Variants in SLC39A11 observed in about 807,000 individuals in gnomAD.
The protein encoded by SLC39A11 is zinc transporter ZIP11.
A neutral mutation model predicts 36.1 loss-of-function variants in SLC39A11; 33 were observed. The observed-to-expected ratio is 0.91, with a 90% CI of 0.69 to 1.22. The LOEUF (loss-of-function observed/expected upper bound fraction) is 1.22, where lower values mean the gene tolerates loss of function less well. SLC39A11 is among the 50% of genes most tolerant of loss of function. SLC39A11 has a pLI of 0.00. For synonymous variants in SLC39A11, 166 were observed against 170.3 expected, an observed-to-expected ratio of 0.97 and a Z score of 0.20; for missense variants, 432 against 430.3, an observed-to-expected ratio of 1.00 and a Z score of -0.03.
chr17:72,767,008 A>G (rs2144638354), intron 6 of SLC39A11, among the ~76,000 whole-genome samples: 1 of 152,002 alleles, frequency 6.6e-6, no homozygotes, highest in East Asian at 1.9e-4. Flanking sequence ...CTTCTCCCCC[A>G]ACTTCTCCCC....
rs571487872 is a variant in SLC39A11 at position 72,822,941 on chromosome 17, G to A, written c.601+26693C>T. Among the ~76,000 whole-genome samples, 14 of 149,346 alleles carry A rather than the reference G, an allele frequency of 9.4e-5. 1 individual carries two copies. In the East Asian group the frequency reaches 2.7e-3, roughly 29 times the overall value. ...TGTTTTTGTAGAGGTGAGGTCAGTT[G>A]CCCTGGCTGGTCTCAAACTCCTGAG... is the stretch of plus-strand genomic sequence containing the variant. On this transcript the variant is annotated intron_variant, in intron 6 of 9. Coordinates refer to ENST00000255559, the MANE Select transcript of SLC39A11 (RefSeq NM_139177.4).
At chr17:72,742,307 A>T (rs1232997796) in intron 6 of SLC39A11, among the ~76,000 whole-genome samples, 2 of 152,126 alleles carry the variant, frequency 1.3e-5, no homozygotes, top group African/African-American at 4.8e-5. Context: ...CCTTTCCGTT[A>T]GGGAGGAGGC....
At chr17:73,075,641 T>C (rs1272491730) in intron 3 of SLC39A11, among the ~76,000 whole-genome samples, 1 of 151,956 alleles carries the variant, frequency 6.6e-6, no homozygotes, top group Non-Finnish European at 1.5e-5. Flanking sequence ...TCACCTGAGG[T>C]AAGGAGTTTG....
Position 72,900,208 on chromosome 17 carries a change from A to AGAAG in SLC39A11, c.430+47543_430+47544insCTTC, listed in dbSNP as rs1567913113. ...AAGAAAGAAAGAAAGAAAGAAAGAA[A>AGAAG]GAAAGAAAGAAAGAAAGAAAGAAAA... On this transcript the variant is annotated intron_variant, in intron 5 of 9. Coordinates refer to ENST00000255559, the MANE Select transcript of SLC39A11 (RefSeq NM_139177.4). Among the ~76,000 whole-genome samples, 155 of 136,896 alleles carry AGAAG rather than the reference A, an allele frequency of 1.1e-3. 13 individuals carry two copies. Among genetic ancestry groups the AGAAG allele is most frequent in the African/African-American group, 4.7e-3 (150 of 31,988 alleles). The allele number at this position is 136,896 out of a possible 152,430, so 89.8% of individuals were successfully genotyped here. A position where few individuals can be genotyped will look rare whatever the true frequency, so the allele number is the denominator to read the frequency against.
At chr17:72,722,163 T>C (rs779676224) in intron 7 of SLC39A11, among the ~76,000 whole-genome samples, 1 of 152,112 alleles carries the variant, frequency 6.6e-6, no homozygotes, top group Non-Finnish European at 1.5e-5. Flanking sequence ...TTTGGGATAA[T>C]ACTTAGGAAT....
At chr17:72,959,325 G>GTGTGTGTGTGTGTGTATA (rs1436484912) in intron 4 of SLC39A11, among the ~76,000 whole-genome samples, 1 of 65,548 alleles carries the variant, frequency 1.5e-5, no homozygotes, top group African/African-American at 6.9e-5. Context: ...GTGTGTGTGT[G>GTGTGTGTGTGTGTGTATA]TATATATATA....
intron 3 of SLC39A11, among the ~76,000 whole-genome samples, chr17:73,041,622 C>CT (rs1310954083): frequency 2.0e-5 from 3 of 152,254 alleles, no homozygotes; most frequent in African/African-American, 7.2e-5. Flanking sequence ...CACCCAGCAT[C>CT]TTCCCACATC....
chr17:72,852,199 C>T (rs796682008), intron 5 of SLC39A11, among the ~76,000 whole-genome samples: 29 of 25,072 alleles, frequency 1.2e-3, no homozygotes, highest in African/African-American at 1.7e-3. Context: ...AGCAAGACTC[C>T]GTCTCAAAAA....
chr17:73,030,403 G>A (rs750681249), intron 4 of SLC39A11, among the ~76,000 whole-genome samples: 5 of 152,178 alleles, frequency 3.3e-5, no homozygotes, highest in East Asian at 3.8e-4. Flanking sequence ...CCTGGGAATC[G>A]TTATAGTTAC....
intron 7 of SLC39A11, among the ~76,000 whole-genome samples, chr17:72,691,272 C>T (rs750766175): frequency 6.6e-6 from 1 of 152,150 alleles, no homozygotes; most frequent in Non-Finnish European, 1.5e-5. Context: ...CAGGCATTTC[C>T]TAGAGGTGAC....
At position 72,769,360 on chromosome 17, in the gene SLC39A11, T is replaced by C. The variant is rs111769016; in HGVS notation, c.602-32641A>G. On this transcript the variant is annotated intron_variant, in intron 6 of 9. Coordinates refer to ENST00000255559, the MANE Select transcript of SLC39A11 (RefSeq NM_139177.4). ...CCGTGCATTACATACAATAGAACAT[T>C]ATTCAACCTTAAAAAGGAAGGAAAT... is the stretch of plus-strand genomic sequence containing the variant. 6.3e-3 allele frequency among the ~76,000 whole-genome samples: 966 copies of C among 152,244 alleles called. 10 individuals are homozygous for C. Among genetic ancestry groups the C allele is most frequent in the African/African-American group, 0.022 (905 of 41,548 alleles).
intron 4 of SLC39A11, among the ~76,000 whole-genome samples, chr17:73,016,182 CTG>C (rs2058158795): frequency 6.6e-6 from 1 of 152,064 alleles, no homozygotes; most frequent in Non-Finnish European, 1.5e-5. Flanking sequence ...AGAATGAACA[CTG>C]TTGTAAAAAG....
At chr17:73,028,306 G>A (rs930453556) in intron 4 of SLC39A11, among the ~76,000 whole-genome samples, 2 of 152,084 alleles carry the variant, frequency 1.3e-5, no homozygotes, top group Admixed American at 6.5e-5. Context: ...TTGGCCAACC[G>A]CAACGACTCA....
At chr17:72,650,404 C>A (rs916359087) in intron 7 of SLC39A11, among the ~76,000 whole-genome samples, 3 of 152,206 alleles carry the variant, frequency 2.0e-5, no homozygotes, top group Non-Finnish European at 4.4e-5. Context: ...GGAGACAACA[C>A]AGGCATGTAC....
intron 6 of SLC39A11, among the ~76,000 whole-genome samples, chr17:72,778,380 G>A (rs1049910485): frequency 3.3e-5 from 5 of 152,200 alleles, no homozygotes; most frequent in Admixed American, 3.3e-4. Flanking sequence ...TCTCCTGTTC[G>A]GCCGGCACAA....
intron 7 of SLC39A11, among the ~76,000 whole-genome samples, chr17:72,699,641 A>G (rs1054095413): frequency 6.6e-6 from 1 of 152,238 alleles, no homozygotes; most frequent in Non-Finnish European, 1.5e-5. Context: ...CCTTGGGGCC[A>G]TGCTGTAAAC....
At chr17:72,861,874 T>C (rs755803877) in intron 5 of SLC39A11, among the ~76,000 whole-genome samples, 1 of 149,270 alleles carries the variant, frequency 6.7e-6, no homozygotes, top group Non-Finnish European at 1.5e-5. Flanking sequence ...AGAAATTCAC[T>C]TGAGACATTG....
At position 72,736,691 on chromosome 17, in the gene SLC39A11, C is replaced by G. The variant is rs780684054; in HGVS notation, c.630G>C (p.Gly210=). Residue 210 remains glycine, a synonymous_variant, in exon 7 of 10, where the codon GGG becomes GGC. Transcript: ENST00000255559. The stretch of plus-strand genomic sequence containing the variant: ...TAGCAGATGCCGTCTTTTCTATAGC[C>G]CCAAATCCAACTCCAACAGCGAGAC... The part of the protein sequence containing the change: ...PEGLAVGVGF[G]AIEKTASATF... The G allele has an allele frequency of 6.2e-7, 1 of 1,614,014 alleles. No individual in the cohort carries two copies.
chr17:72,897,070 A>AAAAAAAAAAG (rs1176174592), intron 5 of SLC39A11, among the ~76,000 whole-genome samples: 1 of 150,404 alleles, frequency 6.6e-6, no homozygotes, highest in Non-Finnish European at 1.5e-5. Context: ...AAAAAAAAAA[A>AAAAAAAAAAG]ACAAACAGAA....
Sources: allele counts gnomAD v4.1 joint callset (sites outside exome capture counted in the v4.1 genomes callset), GRCh38; gene constraint gnomAD v4.1.1; transcripts MANE v1.5; gene names NCBI Gene and HGNC (gene_info 2026-07-23, HGNC 2026-07-21).